Variants in CDH4 observed in about 807,000 individuals in gnomAD.
CDH4 encodes the protein cadherin-4.
Under a neutral mutation model 86.0 loss-of-function variants are expected in CDH4, and 33 were observed. The observed-to-expected ratio is 0.38, with a 90% CI of 0.29 to 0.51. The LOEUF is 0.51. Ranked by LOEUF, CDH4 falls within the 20% of genes least tolerant of loss-of-function variation. The probability of loss-of-function intolerance (pLI) is 0.86; values close to 1 mark genes in which losing one functional copy is unlikely to be tolerated. For synonymous variants in CDH4, 555 were observed against 549.4 expected, an observed-to-expected ratio of 1.01 and a Z score of -0.14; for missense variants, 1,114 against 1,307.4, an observed-to-expected ratio of 0.85 and a Z score of 2.28.
At chr20:61,800,664 G>A (rs1214149353) in intron 4 of CDH4, among the ~76,000 whole-genome samples, 5 of 152,194 alleles carry the variant, frequency 3.3e-5, no homozygotes, top group Admixed American at 3.3e-4. Context: ...CCCAGGATAT[G>A]GGCAGGGGGC....
intron 2 of CDH4, among the ~76,000 whole-genome samples, chr20:61,541,583 C>A (rs753764803): frequency 6.6e-6 from 1 of 152,122 alleles, no homozygotes; most frequent in East Asian, 1.9e-4. Context: ...GGAATAAGAC[C>A]GGTGTAGAAA....
intron 4 of CDH4, among the ~76,000 whole-genome samples, chr20:61,777,196 C>T (rs193056618): frequency 1.3e-5 from 2 of 152,292 alleles, no homozygotes; most frequent in East Asian, 3.9e-4. Flanking sequence ...TTGGCTGTAC[C>T]CCTAGTGTTG....
At chr20:61,441,091 T>C (rs2085312959) in intron 2 of CDH4, among the ~76,000 whole-genome samples, 1 of 152,182 alleles carries the variant, frequency 6.6e-6, no homozygotes, top group African/African-American at 2.4e-5. Context: ...AGAGCAGAGA[T>C]GACTTCTTTG....
At chr20:61,790,752 TTATC>T (rs763114503) in intron 4 of CDH4, among the ~76,000 whole-genome samples, 14 of 146,618 alleles carry the variant, frequency 9.5e-5, no homozygotes, top group African/African-American at 3.1e-4. Flanking sequence ...CTCCATCCAT[TTATC>T]TATCCATCTA....
At chr20:61,545,894 C>CGT (rs775961706) in intron 2 of CDH4, among the ~76,000 whole-genome samples, 3 of 65,636 alleles carry the variant, frequency 4.6e-5, no homozygotes, top group African/African-American at 6.1e-5. Flanking sequence ...GGTATGTGTT[C>CGT]GTATGTGTGT....
intron 2 of CDH4, among the ~76,000 whole-genome samples, chr20:61,706,080 C>T (rs2087826249): frequency 6.6e-6 from 1 of 152,212 alleles, no homozygotes; most frequent in African/African-American, 2.4e-5. Context: ...CCCATTGTGC[C>T]CAGTGGCTTT....
chr20:61,310,697 G>A (rs4812300), intron 2 of CDH4, among the ~76,000 whole-genome samples: 112,307 of 145,328 alleles, frequency 0.77, 42,526 homozygotes, highest in Non-Finnish European at 0.85. Flanking sequence ...TTTCCTCACT[G>A]TTCTGGGGGC....
At chr20:61,720,264 C>G (rs192403332) in intron 2 of CDH4, among the ~76,000 whole-genome samples, 40 of 152,248 alleles carry the variant, frequency 2.6e-4, no homozygotes, top group African/African-American at 7.7e-4. Flanking sequence ...TAGTTCTGTG[C>G]TCTATGGGCC....
At chr20:61,683,843 TGCCTGCCTGCCGTGGGGTGAGGTGCACC>T (rs1029202451) in intron 2 of CDH4, among the ~76,000 whole-genome samples, 10 of 152,214 alleles carry the variant, frequency 6.6e-5, no homozygotes, top group Non-Finnish European at 1.0e-4. Context: ...TACAAGCCTG[TGCCTGCCTGCCGTGGGGTGAGGTGCACC>T]GCCTAGCTGG....
intron 13 of CDH4, among the ~76,000 whole-genome samples, chr20:61,930,898 C>T (rs2055099754): frequency 6.6e-6 from 1 of 152,232 alleles, no homozygotes; most frequent in South Asian, 2.1e-4. Context: ...CCAGCCAGAG[C>T]ACCCTCTGTG....
In CDH4 at chr20:61,634,704, G is replaced by A. The variant is rs536375914; in HGVS notation, c.170-108859G>A. Reference sequence around the variant, plus strand: ...AGCGTTCGTTTTAACACTTTGAAGCGCAGAGCTCTGCGGCGTTAGTGTATT... The same window carrying A: ...AGCGTTCGTTTTAACACTTTGAAGCACAGAGCTCTGCGGCGTTAGTGTATT... On this transcript the variant is annotated intron_variant, in intron 2 of 15. Coordinates refer to ENST00000614565, the MANE Select transcript of CDH4 (RefSeq NM_001794.5). 3.3e-5 allele frequency among the ~76,000 whole-genome samples: 5 copies of A among 152,324 alleles called. No homozygotes were observed. The East Asian group carries it at 5.8e-4, about 18-fold the overall frequency.
At chr20:61,444,069 T>C (rs1304299393) in intron 2 of CDH4, among the ~76,000 whole-genome samples, 1 of 147,950 alleles carries the variant, frequency 6.8e-6, no homozygotes, top group East Asian at 2.0e-4. Flanking sequence ...TCTGTGTGTG[T>C]GTCTGTGTGT....
intron 2 of CDH4, among the ~76,000 whole-genome samples, chr20:61,634,300 C>G (rs998390331): frequency 1.3e-5 from 2 of 152,176 alleles, no homozygotes; most frequent in Non-Finnish European, 2.9e-5. Flanking sequence ...TGAACACACA[C>G]GCAGCACCTT....
chr20:61,788,044 T>C (rs1978974998), intron 4 of CDH4, among the ~76,000 whole-genome samples: 1 of 152,154 alleles, frequency 6.6e-6, no homozygotes, highest in African/African-American at 2.4e-5. Context: ...AAGACCCCTC[T>C]GACTGCCGTG....
chr20:61,699,733 C>T (rs1000030807), intron 2 of CDH4, among the ~76,000 whole-genome samples: 13 of 147,838 alleles, frequency 8.8e-5, no homozygotes, highest in Non-Finnish European at 1.4e-4. Context: ...AGAGTCTGAG[C>T]GGGAGCAGGC....
chr20:61,447,858 C>G (rs1219388335), intron 2 of CDH4, among the ~76,000 whole-genome samples: 1 of 151,912 alleles, frequency 6.6e-6, no homozygotes, highest in East Asian at 1.9e-4. Flanking sequence ...ATTCCATAAC[C>G]CTCTTTTTTA....
chr20:61,588,566 C>T (rs558784386), intron 2 of CDH4, among the ~76,000 whole-genome samples: 127 of 152,342 alleles, frequency 8.3e-4, no homozygotes, highest in African/African-American at 2.5e-3. Context: ...TGAGGGGAAA[C>T]GTAGTCATGC....
intron 8 of CDH4, among the ~76,000 whole-genome samples, chr20:61,898,219 G>A (rs6121485): frequency 0.026 from 3,977 of 152,336 alleles, 178 homozygotes; most frequent in African/African-American, 0.09. Flanking sequence ...CGCACATGCC[G>A]CCAGGCTATT....
chr20:61,743,409 A>T (rs974054285), intron 2 of CDH4, among the ~76,000 whole-genome samples, 154 bp from the exon 3 acceptor site: 110 of 152,282 alleles, frequency 7.2e-4, no homozygotes, highest in African/African-American at 2.6e-3. Flanking sequence ...TTGAGATAAA[A>T]CACACCACCT....
Sources: gnomAD v4.1 joint callset for allele counts (sites outside exome capture counted in the v4.1 genomes callset) on GRCh38, gnomAD v4.1.1 for gene constraint, MANE v1.5 for transcripts, NCBI Gene and HGNC (gene_info 2026-07-23, HGNC 2026-07-21) for gene names.